ANTXRL: variants seen among roughly 807,000 people sequenced by gnomAD.
ANTXRL encodes the protein anthrax toxin receptor-like.
ANTXRL carries 63 observed loss-of-function variants against 75.4 expected under a neutral mutation model. The observed-to-expected ratio is 0.84, with a 90% confidence interval of 0.68 to 1.03. The LOEUF (loss-of-function observed/expected upper bound fraction) is 1.03, where lower values mean the gene tolerates loss of function less well. Among genes scored for constraint, ANTXRL ranks in the 50% least tolerant of loss-of-function variants. The pLI is 0.00. For missense variants in ANTXRL, 797 were observed against 789.4 expected, an observed-to-expected ratio of 1.01 and a Z score of -0.12; for synonymous variants, 335 against 291.3, an observed-to-expected ratio of 1.15 and a Z score of -1.53.
chr10:46,309,833 C>T (rs1838317802), intron 13 of ANTXRL, among the ~76,000 whole-genome samples: 1 of 152,176 alleles, frequency 6.6e-6, no homozygotes, highest in Non-Finnish European at 1.5e-5. Context: ...GAAATGTCCA[C>T]CCCACAGGAG....
intron 10 of ANTXRL, among the ~76,000 whole-genome samples, chr10:46,303,262 G>A (rs1410112742): frequency 1.3e-5 from 2 of 152,202 alleles, no homozygotes; most frequent in Non-Finnish European, 2.9e-5. Context: ...ACCTTGCACT[G>A]AGGGAGGATG....
At chr10:46,307,557 C>A in intron 12 of ANTXRL, 77 bp downstream of exon 12, 1 of 1,343,384 alleles carries the variant, frequency 7.4e-7, no homozygotes, top group Non-Finnish European at 1.0e-6. Context: ...ACAGAAAAGG[C>A]AGACCGTTCC....
At position 46,313,280 on chromosome 10, in the gene ANTXRL, C is replaced by G; in HGVS notation, c.1374C>G (p.His458Gln). The change falls in exon 16 of 17, where the codon CAC becomes CAG. Residue 458 changes from histidine (H) to glutamine (Q), a missense_variant. His to Gln is a conservative substitution (Grantham distance 24). Around this residue, in one of 3 missense-constraint regions of ANTXRL, gnomAD observed 479 missense variants for 422.0 expected, o/e 1.14. Coordinates refer to ENST00000620264, the MANE Select transcript of ANTXRL (RefSeq NM_001278688.3). Reference sequence around the variant, plus strand: ...GTGACCTCTCTCACGCAAGCTGCCACCAGGTGCCATGGATGTGTTGTCAGA... The same window carrying G: ...GTGACCTCTCTCACGCAAGCTGCCAGCAGGTGCCATGGATGTGTTGTCAGA... Reference protein sequence around the residue: ...TFCDLSHASCHQVPWMCCQSR... With the variant: ...TFCDLSHASCQQVPWMCCQSR... 1 of 1,535,906 alleles carries G rather than the reference C, an allele frequency of 6.5e-7. No individual in the cohort carries two copies. Among genetic ancestry groups the G allele is most frequent in the Non-Finnish European group, 8.7e-7 (1 of 1,146,726 alleles).
At chr10:46,288,159 T>C (rs1438356177) in intron 1 of ANTXRL, among the ~76,000 whole-genome samples, 19 of 152,096 alleles carry the variant, frequency 1.2e-4, no homozygotes, top group African/African-American at 4.6e-4. Context: ...TTTGGAGAGA[T>C]TGCCTTGGTT....
chr10:46,309,277 G>GC (rs10572939), intron 13 of ANTXRL, 75 bp downstream of exon 13: 3 of 1,527,852 alleles, frequency 2.0e-6, no homozygotes, highest in Non-Finnish European at 2.6e-6. Context: ...ACATGTGACT[G>GC]CCCCCCGTGA....
At chr10:46,326,425 G>A (rs1460224888) in intron 16 of ANTXRL, among the ~76,000 whole-genome samples, 3 of 152,052 alleles carry the variant, frequency 2.0e-5, no homozygotes, top group African/African-American at 7.2e-5. Context: ...CCAGGAGGAG[G>A]GGCCAACTCC....
At position 46,287,178 on chromosome 10, in the gene ANTXRL, G is replaced by A. The variant is rs1183653556; in HGVS notation, c.-85G>A. On this transcript the variant is annotated 5_prime_UTR_variant, in exon 1 of 17. Coordinates refer to ENST00000620264, the MANE Select transcript of ANTXRL (RefSeq NM_001278688.3). The stretch of plus-strand genomic sequence containing the variant: ...TGTGGCCCCGGGCATAAGGGGAGGC[G>A]GCAAAGAAGGGGCCTGTGCTCAGCC... 53 of 1,471,720 alleles carry A rather than the reference G, an allele frequency of 3.6e-5. No homozygotes were observed. The highest frequency in any genetic ancestry group is 1.2e-4 in the Admixed American group (5 of 41,852). 91.2% of individuals were successfully genotyped at this position (1,471,720 alleles called of 1,614,324 possible). A position where few individuals can be genotyped will look rare whatever the true frequency, so the allele number is the denominator to read the frequency against.
At chr10:46,308,580 CA>C (rs1224152322) in intron 12 of ANTXRL, 1 of 390,240 alleles carries the variant, frequency 2.6e-6, no homozygotes, top group African/African-American at 2.1e-5. Context: ...GCTTATACCC[CA>C]TGTGGCCCTG....
At position 46,330,067 on chromosome 10, in the gene ANTXRL, T is replaced by C. The variant is rs779538945; in HGVS notation, c.1879T>C (p.Ser627Pro). The C allele has an allele frequency of 3.3e-6, 5 of 1,496,772 alleles. No individual in the cohort carries two copies. Among genetic ancestry groups the C allele is most frequent in the Non-Finnish European group, 4.5e-6 (5 of 1,122,230 alleles). The allele number at this position is 1,496,772 out of a possible 1,614,324, so 92.7% of individuals were successfully genotyped here. Reference sequence around the variant, plus strand: ...AGAACCCCCTTTGTCACTCCCCCCCTCAGAGCCCAACTTCTAAGGCACCAA... The same window carrying C: ...AGAACCCCCTTTGTCACTCCCCCCCCCAGAGCCCAACTTCTAAGGCACCAA... ...TAEPPLSLPPSEPNF is the reference protein window; with the variant it reads ...TAEPPLSLPPPEPNF Residue 627 changes from serine to proline, a missense_variant, in exon 17 of 17, where the codon TCA (serine) becomes CCA (proline). Transcript: ENST00000620264.
At chr10:46,293,372 CTG>C (rs1345180326) in intron 2 of ANTXRL, among the ~76,000 whole-genome samples, 3 of 106,806 alleles carry the variant, frequency 2.8e-5, no homozygotes, top group Non-Finnish European at 5.6e-5. Flanking sequence ...GTGAGTGTGC[CTG>C]TGTGTGAGTG....
intron 16 of ANTXRL, among the ~76,000 whole-genome samples, chr10:46,326,761 C>T (rs1215146309): frequency 2.6e-5 from 4 of 152,022 alleles, no homozygotes; most frequent in African/African-American, 4.8e-5. Context: ...GTCAGGAGGG[C>T]AGTGGTGGGT....
intron 16 of ANTXRL, among the ~76,000 whole-genome samples, chr10:46,329,068 G>A (rs782317510): frequency 1.3e-5 from 2 of 152,164 alleles, no homozygotes; most frequent in Admixed American, 6.5e-5. Flanking sequence ...CTACACTAGT[G>A]TGTGCCCAAG....
At chr10:46,319,921 A>G (rs2132883186) in intron 16 of ANTXRL, among the ~76,000 whole-genome samples, 1 of 152,300 alleles carries the variant, frequency 6.6e-6, no homozygotes, top group Middle Eastern at 3.4e-3. Flanking sequence ...AGATAGGTGT[A>G]ACATTCACTT....
rs1554967104 is a variant in ANTXRL at position 46,329,629 on chromosome 10, T to C, written c.1441T>C (p.Ser481Pro). ...GTACCTCAGCTTAGCCCTTGCACAG[T>C]CCCAATATGCACAGGCTCCCTGCTG... ...GRYLSLALAQSQYAQAPCCPR... is the reference protein window; with the variant it reads ...GRYLSLALAQPQYAQAPCCPR... The change falls in exon 17 of 17, where the codon TCC becomes CCC. Residue 481 changes from serine (S) to proline (P), a missense_variant. Physicochemically the swap from Ser to Pro is moderately conservative, Grantham distance 74. Around this residue, in one of 3 missense-constraint regions of ANTXRL, gnomAD observed 479 missense variants for 422.0 expected, o/e 1.14. Coordinates refer to ENST00000620264, the MANE Select transcript of ANTXRL (RefSeq NM_001278688.3). 1 of 1,536,382 alleles carries C rather than the reference T, an allele frequency of 6.5e-7. No homozygotes were observed. Among genetic ancestry groups the C allele is most frequent in the East Asian group, 2.4e-5 (1 of 40,910 alleles).
chr10:46,329,781 C>G lies in ANTXRL; in HGVS notation c.1593C>G (p.Asn531Lys), dbSNP rs116524794. The G allele has an allele frequency of 2.1e-3, 3,283 of 1,535,282 alleles. 56 individuals carry two copies. In the African/African-American group the frequency reaches 0.033, roughly 15 times the overall value. Residue 531 changes from asparagine to lysine, a missense_variant, in exon 17 of 17, where the codon AAC becomes AAG. Asn to Lys is a moderately conservative substitution (Grantham distance 94). Transcript: ENST00000620264. ...TCAAACAGGCTCGCTGCAGCCCAAA[C>G]ATCTGCCTGAGACACAGCCAACACA... ...LALKQARCSP[N>K]ICLRHSQHSR...
chr10:46,293,298 CTG>C (rs201339323), intron 2 of ANTXRL, among the ~76,000 whole-genome samples: 5,642 of 41,104 alleles, frequency 0.14, 165 homozygotes, highest in East Asian at 0.17. Flanking sequence ...GCGTGTGTGC[CTG>C]TGTGTGTGTG....
chr10:46,298,120 G>A (rs1286087735), intron 9 of ANTXRL, 58 bp downstream of exon 9: 6 of 1,160,290 alleles, frequency 5.2e-6, no homozygotes, highest in South Asian at 1.4e-5. Context: ...GTGCATGCGT[G>A]TATGGAGTGT....
At chr10:46,294,144 C>T in intron 3 of ANTXRL, 2 of 533,954 alleles carry the variant, frequency 3.7e-6, no homozygotes, top group Non-Finnish European at 6.7e-6. Flanking sequence ...CCACTTCACG[C>T]TCCCCTGCCC....
At chr10:46,309,065 G>A in intron 12 of ANTXRL, 48 bp from the exon 13 acceptor site, 1 of 1,535,216 alleles carries the variant, frequency 6.5e-7, no homozygotes, top group South Asian at 1.2e-5. Context: ...GGTGGGCACG[G>A]GGAAGAGGCC....
Sources: gnomAD v4.1 joint callset for allele counts (sites outside exome capture counted in the v4.1 genomes callset) on GRCh38, gnomAD v4.1.1 for gene constraint, gnomAD v4.1.1 regional missense constraint, MANE v1.5 for transcripts, NCBI Gene and HGNC (gene_info 2026-07-23, HGNC 2026-07-21) for gene names.